Variants in DOCK7 observed in about 807,000 individuals in gnomAD.
The protein encoded by DOCK7 is dedicator of cytokinesis protein 7.
DOCK7 carries 138 observed loss-of-function variants against 271.0 expected under a neutral mutation model. That is an observed-to-expected ratio of 0.51 (90% confidence interval 0.44 to 0.59). The LOEUF (loss-of-function observed/expected upper bound fraction) is 0.59. Among genes scored for constraint, DOCK7 ranks in the 20% least tolerant of loss-of-function variants. DOCK7 has a pLI of 0.00. For synonymous variants in DOCK7, 823 were observed against 876.1 expected (o/e 0.94, Z 1.07); for missense variants, 2,066 against 2,592.4 (o/e 0.80, Z 4.41).
rs148787905 is a variant in DOCK7, at chr1:62,617,523, A to C, written c.1682+1183T>G. ...GTCTAATATGGTAGCCTTTAGCCCCAGGTGGTTATTAAGCACTTGAAATGT... is the reference window on the plus strand; with the variant it reads ...GTCTAATATGGTAGCCTTTAGCCCCCGGTGGTTATTAAGCACTTGAAATGT... On this transcript the variant is annotated intron_variant, in intron 14 of 49. Transcript: ENST00000635253. 1.8e-3 allele frequency among the ~76,000 whole-genome samples: 281 copies of C among 152,134 alleles called. 1 individual carries two copies. Among genetic ancestry groups the C allele is most frequent in the African/African-American group, 6.6e-3 (273 of 41,568 alleles).
intron 18 of DOCK7, among the ~76,000 whole-genome samples, chr1:62,568,261 G>C (rs1352526219): frequency 6.6e-6 from 1 of 151,612 alleles, no homozygotes; most frequent in Non-Finnish European, 1.5e-5. Context: ...GTGTTAACAG[G>C]GAAATTTATA....
intron 33 of DOCK7, 70 bp downstream of exon 33, chr1:62,513,374 G>C: frequency 7.0e-7 from 1 of 1,424,702 alleles, no homozygotes; most frequent in Non-Finnish European, 9.3e-7. Flanking sequence ...AAAAGCATAG[G>C]ATTGACATTG....
At chr1:62,646,155 C>CAA (rs58296142) in intron 7 of DOCK7, among the ~76,000 whole-genome samples, 5 of 111,220 alleles carry the variant, frequency 4.5e-5, no homozygotes, top group African/African-American at 7.4e-5. Flanking sequence ...GACTCCGTCT[C>CAA]AAAAAAAAAA....
At chr1:62,552,040 A>G (rs1293532007) in intron 22 of DOCK7, among the ~76,000 whole-genome samples, 2 of 152,088 alleles carry the variant, frequency 1.3e-5, no homozygotes, top group Non-Finnish European at 1.5e-5. Context: ...TTTCTTTAGG[A>G]AAGTTTCTGA....
intron 1 of DOCK7, among the ~76,000 whole-genome samples, chr1:62,670,331 T>C (rs965843349): frequency 2.0e-5 from 3 of 152,250 alleles, no homozygotes; most frequent in Non-Finnish European, 4.4e-5. Context: ...CGGGATCCAC[T>C]ACGTGAAGCC....
chr1:62,584,467 T>C (rs1167770628), intron 15 of DOCK7: 2 of 1,033,046 alleles, frequency 1.9e-6, no homozygotes, highest in Non-Finnish European at 2.3e-6. Flanking sequence ...AATCAGCCAT[T>C]TCATACATAA....
At chr1:62,485,159 A>T (rs1272788753) in intron 43 of DOCK7, 3 of 985,236 alleles carry the variant, frequency 3.0e-6, no homozygotes, top group Non-Finnish European at 3.6e-6. Flanking sequence ...TTAAAAGACA[A>T]CAAACATGCT....
At chr1:62,675,496 T>C (rs1315714762) in intron 1 of DOCK7, among the ~76,000 whole-genome samples, 1 of 152,076 alleles carries the variant, frequency 6.6e-6, no homozygotes, top group Non-Finnish European at 1.5e-5. Context: ...AAAAGGTCAC[T>C]AGTTGGCCAG....
chr1:62,629,183 T>C (rs75649685), intron 11 of DOCK7: 1 of 152,174 alleles, frequency 6.6e-6, no homozygotes, highest in African/African-American at 2.4e-5. Flanking sequence ...AGTGTGGCAG[T>C]CCTTCAAAAG....
chr1:62,579,566 C>T (rs1323065686), intron 16 of DOCK7, among the ~76,000 whole-genome samples: 1 of 151,240 alleles, frequency 6.6e-6, no homozygotes, highest in Admixed American at 6.6e-5. Context: ...CTCATCTCTA[C>T]AAAAAATTTA....
At chr1:62,506,837 C>G (rs913678464) in intron 35 of DOCK7, among the ~76,000 whole-genome samples, 110 of 149,540 alleles carry the variant, frequency 7.4e-4, no homozygotes, top group African/African-American at 2.6e-3. Context: ...ATCCCAGCTA[C>G]TTGGGAGGCT....
At chr1:62,517,520 G>A (rs183334146) in intron 31 of DOCK7, among the ~76,000 whole-genome samples, 32 of 152,148 alleles carry the variant, frequency 2.1e-4, no homozygotes, top group South Asian at 8.3e-4. Context: ...GCTTGAACCC[G>A]GGAGATGGAG....
chr1:62,673,516 T>G (rs1460997154), intron 1 of DOCK7, among the ~76,000 whole-genome samples: 1 of 152,156 alleles, frequency 6.6e-6, no homozygotes, highest in Non-Finnish European at 1.5e-5. Flanking sequence ...TTTGTAAATA[T>G]TAACACTGAC....
intron 37 of DOCK7, among the ~76,000 whole-genome samples, chr1:62,496,813 A>AATAGCTTG (rs1646636988): frequency 6.6e-6 from 1 of 152,164 alleles, no homozygotes; most frequent in African/African-American, 2.4e-5. Context: ...GATGAGGTTA[A>AATAGCTTG]ATAGCTTGAC....
At chr1:62,606,443 G>A (rs1243273914) in intron 14 of DOCK7, among the ~76,000 whole-genome samples, 1 of 151,976 alleles carries the variant, frequency 6.6e-6, no homozygotes, top group Non-Finnish European at 1.5e-5. Flanking sequence ...AGAGAAAGGA[G>A]CTCTTTATGG....
chr1:62,665,068 C>T (rs966807375), intron 1 of DOCK7, among the ~76,000 whole-genome samples: 2 of 152,126 alleles, frequency 1.3e-5, no homozygotes, highest in Non-Finnish European at 2.9e-5. Context: ...CTCACCAAAA[C>T]CTCCGCCTTC....
intron 48 of DOCK7, among the ~76,000 whole-genome samples, 180 bp downstream of exon 48, chr1:62,473,802 C>T (rs1645898146): frequency 6.6e-6 from 1 of 152,058 alleles, no homozygotes; most frequent in Non-Finnish European, 1.5e-5. Flanking sequence ...CCAGGCTGGT[C>T]TCAAACTCCT....
In DOCK7 at chr1:62,504,895, G is replaced by C; in HGVS notation, c.4612-113C>G. The C allele has an allele frequency of 2.4e-6, 3 of 1,272,412 alleles. 1 individual carries two copies. In the South Asian group the frequency reaches 4.7e-5, roughly 20 times the overall value. 78.8% of individuals were successfully genotyped at this position (1,272,412 alleles called of 1,614,324 possible). A position where few individuals can be genotyped will look rare whatever the true frequency, so the allele number is the denominator to read the frequency against. The stretch of plus-strand genomic sequence containing the variant: ...AGTATAGCCCAGAAATTAAAAGAAT[G>C]GTTAGGACAATATTAGCTAATGGTT... On this transcript the variant is annotated intron_variant, in intron 36 of 49. Transcript: ENST00000635253.
intron 35 of DOCK7, among the ~76,000 whole-genome samples, chr1:62,506,563 T>A (rs1431754496): frequency 6.6e-6 from 1 of 151,452 alleles, no homozygotes; most frequent in Non-Finnish European, 1.5e-5. Flanking sequence ...CTCCGCCTCC[T>A]GGCTTCAAGC....
Sources: allele counts gnomAD v4.1 joint callset (sites outside exome capture counted in the v4.1 genomes callset), GRCh38; gene constraint gnomAD v4.1.1; transcripts MANE v1.5; gene names NCBI Gene and HGNC (gene_info 2026-07-23, HGNC 2026-07-21).